The following SEMA3A variants were observed in gnomAD, a reference collection of about 807,000 sequenced individuals.
The protein encoded by SEMA3A is semaphorin-3A.
A neutral mutation model predicts 97.9 loss-of-function variants in SEMA3A; 29 were observed. That is an observed-to-expected ratio of 0.30 (90% CI 0.22 to 0.40). SEMA3A has a LOEUF of 0.40. Among genes scored for constraint, SEMA3A ranks in the 10% least tolerant of loss-of-function variants. The probability of loss-of-function intolerance (pLI) is 1.00; values close to 1 mark genes in which losing one functional copy is unlikely to be tolerated. For missense variants in SEMA3A, 763 were observed against 951.3 expected, an observed-to-expected ratio of 0.80 and a Z score of 2.60; for synonymous variants, 321 against 323.7, an observed-to-expected ratio of 0.99 and a Z score of 0.09.
intron 4 of SEMA3A, among the ~76,000 whole-genome samples, chr7:84,091,905 C>A (rs1794615105): frequency 6.6e-6 from 1 of 152,032 alleles, no homozygotes; most frequent in Non-Finnish European, 1.5e-5. Context: ...AAATGAAATT[C>A]CATAATATTA....
chr7:84,038,260 C>T (rs193297888), intron 6 of SEMA3A, among the ~76,000 whole-genome samples: 46 of 151,996 alleles, frequency 3.0e-4, no homozygotes, highest in Admixed American at 2.4e-3. Flanking sequence ...GTTTTCCCTA[C>T]GCCACTTTGA....
intron 1 of SEMA3A, among the ~76,000 whole-genome samples, chr7:84,474,020 C>T (rs966846612): frequency 2.6e-5 from 4 of 152,224 alleles, no homozygotes; most frequent in South Asian, 2.1e-4. Flanking sequence ...TCCATCACTG[C>T]AACAATGGCT....
chr7:84,036,656 TAAAC>T (rs1791950633), intron 6 of SEMA3A, among the ~76,000 whole-genome samples: 1 of 152,130 alleles, frequency 6.6e-6, no homozygotes, highest in Non-Finnish European at 1.5e-5. Context: ...AACAAATTGA[TAAAC>T]AGTAACTGAA....
intron 11 of SEMA3A, among the ~76,000 whole-genome samples, chr7:84,002,868 CAA>C (rs1790517598): frequency 6.6e-6 from 1 of 152,064 alleles, no homozygotes; most frequent in African/African-American, 2.4e-5. Flanking sequence ...GTTTTAATGA[CAA>C]GAGTTGTCAC....
chr7:84,134,802 A>T lies in SEMA3A; in HGVS notation c.262T>A (p.Phe88Ile), dbSNP rs1260642188. 1.2e-6 allele frequency: 2 copies of T among 1,609,542 alleles called. No individual in the cohort carries two copies. Among genetic ancestry groups the T allele is most frequent in the Non-Finnish European group, 1.7e-6 (2 of 1,177,898 alleles). The change falls in exon 2 of 17, where the codon TTT (phenylalanine) becomes ATT (isoleucine). Residue 88 changes from phenylalanine (F) to isoleucine (I), a missense_variant. Physicochemically the swap from Phe to Ile is conservative, Grantham distance 21. Transcript: ENST00000265362. ...FSFDLVNIKD[F>I]QKIVWPVSYT... ...TATTAGAATACTGATACCTTTTGAA[A>T]ATCCTTGATATTAACCAGGTCGAAT...
intron 13 of SEMA3A, 122 bp from the exon 14 acceptor site, chr7:83,981,600 T>C: frequency 2.3e-6 from 2 of 863,010 alleles, no homozygotes; most frequent in Non-Finnish European, 3.3e-6. Context: ...AAAAAAATCA[T>C]CCCTTTATTG....
At chr7:83,965,996 A>G (rs886757773) in intron 15 of SEMA3A, among the ~76,000 whole-genome samples, 2 of 151,750 alleles carry the variant, frequency 1.3e-5, no homozygotes, top group Non-Finnish European at 2.9e-5. Flanking sequence ...GGTGCATTAA[A>G]AAAAAATCAC....
chr7:84,424,551 TATTA>T (rs1267337324), intron 1 of SEMA3A, among the ~76,000 whole-genome samples: 1 of 91,142 alleles, frequency 1.1e-5, no homozygotes, highest in African/African-American at 5.3e-5. Context: ...TATTAATATA[TATTA>T]TATATAATAT....
intron 3 of SEMA3A, among the ~76,000 whole-genome samples, chr7:84,305,111 A>C (rs1001653012): frequency 6.6e-6 from 1 of 151,950 alleles, no homozygotes; most frequent in Non-Finnish European, 1.5e-5. Context: ...TGCTTAAGCA[A>C]ATAAGTTATT....
At chr7:84,030,994 T>C (rs963132560) in intron 6 of SEMA3A, among the ~76,000 whole-genome samples, 1 of 141,232 alleles carries the variant, frequency 7.1e-6, no homozygotes, top group African/African-American at 2.7e-5. Flanking sequence ...CAAGTTTTTT[T>C]TTTTTTTTTT....
chr7:84,072,665 T>C (rs191957880), intron 4 of SEMA3A, among the ~76,000 whole-genome samples: 1 of 151,386 alleles, frequency 6.6e-6, no homozygotes, highest in African/African-American at 2.4e-5. Context: ...TATATAGGTA[T>C]TTGGAATACG....
At chr7:84,059,815 T>A (rs1411916750) in intron 5 of SEMA3A, among the ~76,000 whole-genome samples, 2 of 152,000 alleles carry the variant, frequency 1.3e-5, no homozygotes, top group East Asian at 3.9e-4. Context: ...AAATAAAAAA[T>A]TTAAAAATTG....
chr7:84,372,655 T>C (rs1004404367), intron 1 of SEMA3A, among the ~76,000 whole-genome samples: 7 of 152,118 alleles, frequency 4.6e-5, no homozygotes, highest in African/African-American at 1.7e-4. Context: ...TCACCTGACC[T>C]GAAATTAAAA....
At chr7:84,005,252 C>T in intron 11 of SEMA3A, 87 bp downstream of exon 11, 1 of 997,846 alleles carries the variant, frequency 1.0e-6, no homozygotes, top group Admixed American at 1.8e-5. Flanking sequence ...GGGTTGGCAT[C>T]CCAACCCCTG....
chr7:84,351,484 T>C (rs543393892), intron 2 of SEMA3A, among the ~76,000 whole-genome samples: 37 of 151,878 alleles, frequency 2.4e-4, no homozygotes, highest in Non-Finnish European at 3.4e-4. Context: ...AAAGGATTCA[T>C]AACCAGAATA....
At chr7:84,408,344 T>C (rs1804161792) in intron 1 of SEMA3A, among the ~76,000 whole-genome samples, 1 of 152,040 alleles carries the variant, frequency 6.6e-6, no homozygotes, top group Admixed American at 6.6e-5. Context: ...CACAATGAGA[T>C]ATCATCTCAC....
intron 3 of SEMA3A, among the ~76,000 whole-genome samples, chr7:84,264,244 C>T (rs961124280): frequency 6.6e-6 from 1 of 151,940 alleles, no homozygotes; most frequent in African/African-American, 2.4e-5. Context: ...AAATTTAACC[C>T]GATGATTCCA....
intron 3 of SEMA3A, among the ~76,000 whole-genome samples, chr7:84,271,017 C>T (rs1038593363): frequency 5.9e-5 from 9 of 151,568 alleles, no homozygotes; most frequent in Non-Finnish European, 8.8e-5. Context: ...GATTTATATC[C>T]GGAATCAATT....
At chr7:84,325,554 C>G (rs1433292013) in intron 2 of SEMA3A, among the ~76,000 whole-genome samples, 1 of 151,728 alleles carries the variant, frequency 6.6e-6, no homozygotes, top group Non-Finnish European at 1.5e-5. Context: ...GTGGTCCAAG[C>G]TAGGTGACAG....
Sources: gnomAD v4.1 joint callset for allele counts (sites outside exome capture counted in the v4.1 genomes callset) on GRCh38, gnomAD v4.1.1 for gene constraint, MANE v1.5 for transcripts, NCBI Gene and HGNC (gene_info 2026-07-23, HGNC 2026-07-21) for gene names.